Variants in BRINP1 observed in about 807,000 individuals in gnomAD.
BRINP1 encodes the protein BMP/retinoic acid inducible neural specific 1.
A neutral mutation model predicts 72.9 loss-of-function variants in BRINP1; 17 were observed. The observed-to-expected ratio is 0.23, with a 90% CI of 0.16 to 0.35. The LOEUF (loss-of-function observed/expected upper bound fraction) is 0.35, where lower values mean the gene tolerates loss of function less well. BRINP1 is among the 10% of genes least tolerant of loss of function. The pLI is 1.00. For synonymous variants in BRINP1, 418 were observed against 378.5 expected (o/e 1.10, Z -1.21); for missense variants, 850 against 1,001.6 (o/e 0.85, Z 2.04).
chr9:119,179,701 T>C (rs1829531705), intron 7 of BRINP1, among the ~76,000 whole-genome samples: 1 of 152,180 alleles, frequency 6.6e-6, no homozygotes, highest in African/African-American at 2.4e-5. Flanking sequence ...AGACTGCGAC[T>C]CACCTTGGTC....
chr9:119,213,921 G>C lies in BRINP1; in HGVS notation c.920C>G (p.Ser307Ter). The C allele has an allele frequency of 6.2e-7, 1 of 1,613,494 alleles. No individual in the cohort carries two copies. The highest frequency in any genetic ancestry group is 8.5e-7 in the Non-Finnish European group (1 of 1,179,406). The change falls in exon 6 of 8, where the codon TCA (serine) becomes TGA (stop). Residue 307 changes from serine (S) to a stop codon, truncating the protein, a stop_gained and splice_region_variant. Coordinates refer to ENST00000265922, the MANE Select transcript of BRINP1 (RefSeq NM_014618.3). LOFTEE classifies it high-confidence loss of function. The stretch of plus-strand genomic sequence containing the variant: ...TGGCACTGAGTGAGACTCTCTACCT[G>C]AATTCTCCAGGTCCTTATAAGCTTC... ...WAEAYKDLEN[S>*]DEFKSFMKRL... is the part of the protein sequence containing the mutation.
intron 1 of BRINP1, among the ~76,000 whole-genome samples, chr9:119,355,446 C>A (rs117119384): frequency 6.6e-6 from 1 of 152,018 alleles, no homozygotes; most frequent in Admixed American, 6.6e-5. Context: ...ATGATACACC[C>A]GGCCGGGCAC....
At chr9:119,316,477 A>G (rs1831126277) in intron 1 of BRINP1, among the ~76,000 whole-genome samples, 2 of 152,190 alleles carry the variant, frequency 1.3e-5, no homozygotes. Context: ...GCCTGACTTC[A>G]AAGCTTCAAA....
chr9:119,189,710 A>G (rs748914217), intron 7 of BRINP1, among the ~76,000 whole-genome samples: 6 of 152,132 alleles, frequency 3.9e-5, no homozygotes, highest in Non-Finnish European at 8.8e-5. Flanking sequence ...ATAAATATCT[A>G]TACAATAACA....
At chr9:119,347,395 T>C (rs1587968708) in intron 1 of BRINP1, among the ~76,000 whole-genome samples, 2 of 152,166 alleles carry the variant, frequency 1.3e-5, no homozygotes, top group Non-Finnish European at 2.9e-5. Flanking sequence ...AGTTAAATCA[T>C]ACCTCTTTCA....
At chr9:119,203,937 G>A (rs1380600678) in intron 7 of BRINP1, among the ~76,000 whole-genome samples, 2 of 152,050 alleles carry the variant, frequency 1.3e-5, no homozygotes, top group East Asian at 1.9e-4. Context: ...TTGAAGCCAG[G>A]TTAGGCTTTT....
intron 2 of BRINP1, among the ~76,000 whole-genome samples, chr9:119,286,961 A>G (rs2118968519): frequency 6.6e-6 from 1 of 152,140 alleles, no homozygotes; most frequent in Admixed American, 6.5e-5. Flanking sequence ...ATTGCACAAC[A>G]TGTGGTTGGC....
At chr9:119,286,943 A>G (rs1265764300) in intron 2 of BRINP1, among the ~76,000 whole-genome samples, 1 of 152,222 alleles carries the variant, frequency 6.6e-6, no homozygotes, top group African/African-American at 2.4e-5. Flanking sequence ...GATCCTTGGA[A>G]CACTTGAATT....
intron 2 of BRINP1, among the ~76,000 whole-genome samples, chr9:119,288,942 A>ACTT (rs1830795578): frequency 6.6e-6 from 1 of 152,182 alleles, no homozygotes. Flanking sequence ...CTGGGATTAC[A>ACTT]GGCATGTGCC....
At chr9:119,325,331 CCCAT>C (rs1243176217) in intron 1 of BRINP1, among the ~76,000 whole-genome samples, 1 of 152,140 alleles carries the variant, frequency 6.6e-6, no homozygotes, top group Admixed American at 6.5e-5. Context: ...CCCAGTATTC[CCCAT>C]CCAAGTAAAC....
chr9:119,229,232 T>C (rs1048542261), intron 5 of BRINP1, among the ~76,000 whole-genome samples: 1 of 152,112 alleles, frequency 6.6e-6, no homozygotes, highest in Non-Finnish European at 1.5e-5. Flanking sequence ...GCCAAGCACA[T>C]ATGCCATGGA....
chr9:119,289,356 A>G (rs1564239531), intron 2 of BRINP1, among the ~76,000 whole-genome samples: 2 of 152,212 alleles, frequency 1.3e-5, no homozygotes. Context: ...AAGAACTGGT[A>G]TTCTCTACCA....
intron 1 of BRINP1, among the ~76,000 whole-genome samples, chr9:119,357,062 A>T (rs1831576181): frequency 1.3e-5 from 2 of 152,160 alleles, no homozygotes; most frequent in Non-Finnish European, 1.5e-5. Flanking sequence ...TCCTCATTCC[A>T]TTTTTAGATA....
intron 7 of BRINP1, among the ~76,000 whole-genome samples, chr9:119,169,143 G>A (rs1588151940): frequency 6.6e-6 from 1 of 152,340 alleles, no homozygotes; most frequent in East Asian, 1.9e-4. Context: ...TGGCCTAATA[G>A]GAACAGCTCC....
intron 2 of BRINP1, among the ~76,000 whole-genome samples, chr9:119,258,417 C>T (rs139900447): frequency 0.024 from 3,614 of 152,292 alleles, 48 homozygotes; most frequent in Non-Finnish European, 0.035. Flanking sequence ...ATAATGGTGG[C>T]TATGAGAGTT....
In BRINP1 at chr9:119,280,037, T is replaced by G. The variant is rs546838266; in HGVS notation, c.219-30887A>C. On this transcript the variant is annotated intron_variant, in intron 2 of 7. Transcript: ENST00000265922. ...TCTTTTGTTATAATTTGAAAAAAAA[T>G]GGCAATAAAATAAAATGTCCAGCAT... 3.8e-4 allele frequency among the ~76,000 whole-genome samples: 57 copies of G among 151,650 alleles called. No homozygotes were observed. In the South Asian group the frequency reaches 6.3e-3, roughly 17 times the overall value.
At position 119,168,173 on chromosome 9, in the gene BRINP1, C is replaced by T; in HGVS notation, c.1197G>A (p.Glu399=). The part of the protein sequence containing the change: ...ARVQSLLYCN[E]NGFWGTFLES... ...CCAGGAAGGTTCCCCAAAACCCATT[C>T]TCATTACAGTAGAGGAGTGACTGGA... is the stretch of plus-strand genomic sequence containing the variant. The change falls in exon 8 of 8, where the codon GAG becomes GAA. Residue 399 remains glutamate, a synonymous_variant. Transcript: ENST00000265922. 4 of 1,572,786 alleles carry T rather than the reference C, an allele frequency of 2.5e-6. No individual in the cohort carries two copies. Among genetic ancestry groups the T allele is most frequent in the Non-Finnish European group, 2.6e-6 (3 of 1,157,796 alleles).
Position 119,216,084 on chromosome 9 carries a change from T to A in BRINP1, c.686-1929A>T, listed in dbSNP as rs76601273. On this transcript the variant is annotated intron_variant, in intron 5 of 7. Coordinates refer to ENST00000265922, the MANE Select transcript of BRINP1 (RefSeq NM_014618.3). ...TTGTCTGTTCTTATTTTTGATGTGA[T>A]GACGATGACGATATTGATGATGATG... Among the ~76,000 whole-genome samples, 173 of 152,362 alleles carry A rather than the reference T, an allele frequency of 1.1e-3. 5 individuals are homozygous for A. In the East Asian group the frequency reaches 0.032, roughly 28 times the overall value.
intron 2 of BRINP1, among the ~76,000 whole-genome samples, chr9:119,258,617 C>T (rs1030705488): frequency 1.3e-4 from 20 of 152,112 alleles, no homozygotes; most frequent in African/African-American, 4.6e-4. Context: ...AACTGAGGCC[C>T]ATAGAGAGAG....
Sources: gnomAD v4.1 joint callset for allele counts (sites outside exome capture counted in the v4.1 genomes callset) on GRCh38, gnomAD v4.1.1 for gene constraint, MANE v1.5 for transcripts, NCBI Gene and HGNC (gene_info 2026-07-23, HGNC 2026-07-21) for gene names.